HS6ST3: variants seen among roughly 807,000 people sequenced by gnomAD.
HS6ST3 encodes the protein heparan-sulfate 6-O-sulfotransferase 3.
In HS6ST3, 12 loss-of-function variants were observed where a neutral mutation model predicts 36.7. The observed-to-expected ratio is 0.33, with a 90% CI of 0.21 to 0.53. The LOEUF (loss-of-function observed/expected upper bound fraction) is 0.53. Ranked by LOEUF, HS6ST3 falls within the 20% of genes least tolerant of loss-of-function variation. The probability of loss-of-function intolerance (pLI) is 0.95; values close to 1 mark genes in which losing one functional copy is unlikely to be tolerated. For missense variants in HS6ST3, 584 were observed against 640.9 expected (o/e 0.91, Z 0.96); for synonymous variants, 240 against 257.5 (o/e 0.93, Z 0.65).
chr13:96,526,154 G>T (rs918692516), intron 1 of HS6ST3, among the ~76,000 whole-genome samples: 3 of 152,186 alleles, frequency 2.0e-5, no homozygotes, highest in Non-Finnish European at 4.4e-5. Context: ...AGCTTGTTCA[G>T]TATGTTAAAG....
rs563445020 is a variant in HS6ST3 at position 96,454,892 on chromosome 13, C to T, written c.707+363323C>T. Among the ~76,000 whole-genome samples, 48 of 149,974 alleles carry T rather than the reference C, an allele frequency of 3.2e-4. 1 individual carries two copies. In the South Asian group the frequency reaches 9.2e-3, roughly 29 times the overall value. ...TGAACTCTAAAAAAAAAAAAACATA[C>T]GCCTTTATGCCAGCCAAGCAGAAGA... On this transcript the variant is annotated intron_variant, in intron 1 of 1. Transcript: ENST00000376705.
At chr13:96,306,249 G>A (rs1489695809) in intron 1 of HS6ST3, among the ~76,000 whole-genome samples, 1 of 151,844 alleles carries the variant, frequency 6.6e-6, no homozygotes, top group Non-Finnish European at 1.5e-5. Flanking sequence ...GACTACAGGT[G>A]CATGCCACCA....
At chr13:96,537,198 C>CA (rs1174995690) in intron 1 of HS6ST3, among the ~76,000 whole-genome samples, 1 of 152,140 alleles carries the variant, frequency 6.6e-6, no homozygotes, top group Non-Finnish European at 1.5e-5. Flanking sequence ...TGGAAGCAGG[C>CA]AAGAGAGAAT....
chr13:96,693,145 A>G (rs573674713), intron 1 of HS6ST3, among the ~76,000 whole-genome samples: 2 of 152,248 alleles, frequency 1.3e-5, no homozygotes, highest in South Asian at 2.1e-4. Flanking sequence ...TACCGTCTCT[A>G]TAGGTGATGG....
At chr13:96,218,764 T>A (rs2054440105) in intron 1 of HS6ST3, among the ~76,000 whole-genome samples, 1 of 152,142 alleles carries the variant, frequency 6.6e-6, no homozygotes, top group Admixed American at 6.5e-5. Flanking sequence ...ACAGATGGGC[T>A]TTCCTGCTGC....
At chr13:96,737,421 C>A (rs1876311485) in intron 1 of HS6ST3, among the ~76,000 whole-genome samples, 2 of 150,284 alleles carry the variant, frequency 1.3e-5, no homozygotes, top group South Asian at 2.1e-4. Context: ...GTCAGGAGAT[C>A]GAGACCATCC....
chr13:96,474,348 A>G (rs1386070508), intron 1 of HS6ST3, among the ~76,000 whole-genome samples: 3 of 152,174 alleles, frequency 2.0e-5, no homozygotes, highest in Non-Finnish European at 4.4e-5. Context: ...AGCATTGAGT[A>G]GGTTAGCTTA....
intron 1 of HS6ST3, among the ~76,000 whole-genome samples, chr13:96,824,533 C>T (rs756028370): frequency 5.9e-5 from 9 of 152,136 alleles, no homozygotes; most frequent in Non-Finnish European, 7.3e-5. Context: ...CCTTAACTGC[C>T]GCAATACCCC....
chr13:96,441,281 G>T (rs1355336145), intron 1 of HS6ST3, among the ~76,000 whole-genome samples: 1 of 151,810 alleles, frequency 6.6e-6, no homozygotes, highest in Non-Finnish European at 1.5e-5. Flanking sequence ...GAAAAAATTT[G>T]AATATACTTT....
intron 1 of HS6ST3, among the ~76,000 whole-genome samples, chr13:96,150,606 C>T (rs1008279391): frequency 5.9e-5 from 9 of 152,272 alleles, no homozygotes; most frequent in African/African-American, 2.2e-4. Flanking sequence ...GGAAGATCTA[C>T]ACCTATTTTT....
chr13:96,241,069 A>G (rs1476815059), intron 1 of HS6ST3, among the ~76,000 whole-genome samples: 1 of 152,104 alleles, frequency 6.6e-6, no homozygotes, highest in African/African-American at 2.4e-5. Context: ...CAGAAGCAAT[A>G]GCATTTATAT....
chr13:96,212,704 T>C (rs373336779), intron 1 of HS6ST3, among the ~76,000 whole-genome samples: 2 of 152,140 alleles, frequency 1.3e-5, no homozygotes, highest in East Asian at 1.9e-4. Context: ...ATCCTCTTGG[T>C]TGGCTGATAC....
chr13:96,737,745 TAAG>T (rs1876324323), intron 1 of HS6ST3, among the ~76,000 whole-genome samples: 2 of 150,826 alleles, frequency 1.3e-5, no homozygotes, highest in African/African-American at 4.9e-5. Flanking sequence ...ATGTAAAAAC[TAAG>T]AAGGTTTATA....
rs575813550 is a variant in HS6ST3 at position 96,141,585 on chromosome 13, C to T, written c.707+50016C>T. On this transcript the variant is annotated intron_variant, in intron 1 of 1. Coordinates refer to ENST00000376705, the MANE Select transcript of HS6ST3 (RefSeq NM_153456.4). ...TCAAGTGATCCGCCTGCCTCAGCCT[C>T]CCAGTGTTGGGATTAAGATGTGAGC... Among the ~76,000 whole-genome samples the T allele has an allele frequency of 3.3e-4, 50 of 152,216 alleles. 1 individual carries two copies. The South Asian group carries it at 3.5e-3, about 11-fold the overall frequency.
In HS6ST3 at chr13:96,834,967, A is replaced by T. The variant is rs565350785; in HGVS notation, c.*1769A>T. Reference sequence around the variant, plus strand: ...CCAGGAACTGAACGAGGCCCTTTTCATACCTTAAATATATTCTGCACAACA... The same window carrying T: ...CCAGGAACTGAACGAGGCCCTTTTCTTACCTTAAATATATTCTGCACAACA... On this transcript the variant is annotated 3_prime_UTR_variant, in exon 2 of 2. Coordinates refer to ENST00000376705, the MANE Select transcript of HS6ST3 (RefSeq NM_153456.4). 2 of 152,402 alleles carry T rather than the reference A, an allele frequency of 1.3e-5. No individual in the cohort carries two copies. The highest frequency in any genetic ancestry group is 2.9e-5 in the Non-Finnish European group (2 of 68,044). 9.4% of individuals were successfully genotyped at this position (152,402 alleles called of 1,614,324 possible).
At chr13:96,646,213 A>G (rs1019546732) in intron 1 of HS6ST3, among the ~76,000 whole-genome samples, 2 of 152,016 alleles carry the variant, frequency 1.3e-5, no homozygotes, top group Non-Finnish European at 2.9e-5. Context: ...TATTGGATGC[A>G]TGTCATTGGA....
chr13:96,215,581 A>G (rs2054421418), intron 1 of HS6ST3, among the ~76,000 whole-genome samples: 1 of 152,220 alleles, frequency 6.6e-6, no homozygotes, highest in Non-Finnish European at 1.5e-5. Context: ...TTTGTTTTTA[A>G]GTCTAAAATG....
At chr13:96,415,170 A>T (rs2055526806) in intron 1 of HS6ST3, among the ~76,000 whole-genome samples, 1 of 152,178 alleles carries the variant, frequency 6.6e-6, no homozygotes, top group Non-Finnish European at 1.5e-5. Flanking sequence ...GAATCTTCTC[A>T]CAGTGTAACA....
intron 1 of HS6ST3, among the ~76,000 whole-genome samples, chr13:96,254,448 AATATATATATATATATATATATATAT>A (rs869064004): frequency 4.2e-4 from 7 of 16,528 alleles, no homozygotes; most frequent in Non-Finnish European, 5.4e-4. Context: ...AAAAAAAAAA[AATATATATATATATATATATATATAT>A]ATATATATAT....
Sources: gnomAD v4.1 joint callset for allele counts (sites outside exome capture counted in the v4.1 genomes callset) on GRCh38, gnomAD v4.1.1 for gene constraint, MANE v1.5 for transcripts, NCBI Gene and HGNC (gene_info 2026-07-23, HGNC 2026-07-21) for gene names.